Variants in RAMAC observed in about 807,000 individuals in gnomAD.
RAMAC encodes RNA guanine-N7 methyltransferase activating subunit.
A neutral mutation model predicts 17.9 loss-of-function variants in RAMAC; 11 were observed. The observed-to-expected ratio is 0.61, with a 90% CI of 0.39 to 1.02. The LOEUF is 1.02. Among genes scored for constraint, RAMAC ranks in the 50% least tolerant of loss-of-function variants. The pLI is 0.01. For synonymous variants in RAMAC, 27 were observed against 48.4 expected (o/e 0.56, Z 1.84); for missense variants, 109 against 144.0 (o/e 0.76, Z 1.25).
Position 82,990,760 on chromosome 15 carries a change from AACATAGCAGGTCAAAATTCAC to A in RAMAC, c.*699_*719del. 1.1e-6 allele frequency: 1 copy of A among 929,314 alleles called. No homozygotes were observed. The highest frequency in any genetic ancestry group is 1.7e-6 in the Non-Finnish European group (1 of 594,740). 57.6% of individuals were successfully genotyped at this position (929,314 alleles called of 1,614,324 possible). ...ACAAACACTAAAGCTTTTTGCTAAC[AACATAGCAGGTCAAAATTCAC>A]ACATAAGAAAGTTTAACTCTGTACT... On this transcript the variant is annotated 3_prime_UTR_variant, in exon 4 of 4. Coordinates refer to ENST00000304191, the MANE Select transcript of RAMAC (RefSeq NM_031452.4).
In RAMAC at chr15:82,989,068, G is replaced by A. The variant is rs1438412237; in HGVS notation, c.50G>A (p.Ser17Asn). The stretch of plus-strand genomic sequence containing the variant: ...CCAAAGTTTGAAGAGATGTTTGCTA[G>A]TAGATTCACAGAAAATGACAAGGAG... Reference protein sequence around the residue: ...AVPKFEEMFASRFTENDKEYQ... With the variant: ...AVPKFEEMFANRFTENDKEYQ... Residue 17 changes from serine (S) to asparagine (N), a missense_variant, in exon 3 of 4, where the codon AGT becomes AAT. Transcript: ENST00000304191. The A allele has an allele frequency of 6.2e-7, 1 of 1,613,780 alleles. No homozygotes were observed. Among genetic ancestry groups the A allele is most frequent in the South Asian group, 1.1e-5 (1 of 91,058 alleles).
intron 3 of RAMAC, among the ~76,000 whole-genome samples, chr15:82,989,567 C>G (rs1365648646): frequency 6.6e-6 from 1 of 152,094 alleles, no homozygotes. Flanking sequence ...CTTAATAATT[C>G]AAAATAGTCA....
chr15:82,989,136 G>A lies in RAMAC; in HGVS notation c.118G>A (p.Val40Ile). 6.2e-7 allele frequency: 1 copy of A among 1,613,860 alleles called. No individual in the cohort carries two copies. Among genetic ancestry groups the A allele is most frequent in the South Asian group, 1.1e-5 (1 of 91,054 alleles). ...LKRPPESPPI[V>I]EEWNSRAGGN... ...ACGCCCTCCTGAGTCTCCTCCAATT[G>A]TTGAGGAATGGAATAGCAGAGCTGG... Residue 40 changes from valine (V) to isoleucine (I), a missense_variant, in exon 3 of 4, where the codon GTT (valine) becomes ATT (isoleucine). Coordinates refer to ENST00000304191, the MANE Select transcript of RAMAC (RefSeq NM_031452.4).
At chr15:82,988,843 A>G (rs1382962204) in intron 2 of RAMAC, 167 bp from the exon 3 acceptor site, 1 of 664,374 alleles carries the variant, frequency 1.5e-6, no homozygotes, top group Non-Finnish European at 2.5e-6. Flanking sequence ...CTCAAAAAAA[A>G]AAAAAAAATG....
At position 82,990,055 on chromosome 15, in the gene RAMAC, C is replaced by T. The variant is rs368166772; in HGVS notation, c.345C>T (p.Tyr115=). The T allele has an allele frequency of 9.7e-5, 138 of 1,415,880 alleles. No homozygotes were observed. In the African/African-American group the frequency reaches 1.0e-3, roughly 10 times the overall value. The allele number at this position is 1,415,880 out of a possible 1,614,324, so 87.7% of individuals were successfully genotyped here. Residue 115 remains tyrosine (Y), a synonymous_variant, in exon 4 of 4, where the codon TAC becomes TAT. Coordinates refer to ENST00000304191, the MANE Select transcript of RAMAC (RefSeq NM_031452.4). ...ATGGTTACAACCAGCGGCCTCCTTACGGTTACTACTGATAGAAATGTTGGC... is the reference window on the plus strand; with the variant it reads ...ATGGTTACAACCAGCGGCCTCCTTATGGTTACTACTGATAGAAATGTTGGC... ...GHYGYNQRPP[Y]GYY is the part of the protein sequence containing the mutation.
chr15:82,988,778 G>A (rs1459297473), intron 2 of RAMAC: 1 of 483,420 alleles, frequency 2.1e-6, no homozygotes, highest in Non-Finnish European at 3.8e-6. Context: ...AGGCTGCAGT[G>A]ACCCGAGGTT....
At chr15:82,986,893 G>C (rs2030638959) in intron 1 of RAMAC, among the ~76,000 whole-genome samples, 1 of 151,980 alleles carries the variant, frequency 6.6e-6, no homozygotes, top group Non-Finnish European at 1.5e-5. Flanking sequence ...TCCCTCTTTG[G>C]AATATTAGCT....
chr15:82,987,710 A>G (rs1024764665), intron 2 of RAMAC, among the ~76,000 whole-genome samples: 3 of 152,194 alleles, frequency 2.0e-5, no homozygotes, highest in African/African-American at 7.2e-5. Context: ...GATATTTGGT[A>G]TTTGATAAAG....
Position 82,990,106 on chromosome 15 carries a change from GT to G in RAMAC, c.*41del. 2.1e-6 allele frequency: 2 copies of G among 954,018 alleles called. No individual in the cohort carries two copies. Among genetic ancestry groups the G allele is most frequent in the Non-Finnish European group, 2.9e-6 (2 of 690,048 alleles). The allele number at this position is 954,018 out of a possible 1,614,324, so 59.1% of individuals were successfully genotyped here. A position where few individuals can be genotyped will look rare whatever the true frequency, so the allele number is the denominator to read the frequency against. ...AGCTTTTAGTAAAAGCATTTACTCT[GT>G]TACCATGAGAAAAGTTTGGGTGTCT... On this transcript the variant is annotated 3_prime_UTR_variant, in exon 4 of 4. Coordinates refer to ENST00000304191, the MANE Select transcript of RAMAC (RefSeq NM_031452.4).
Position 82,989,977 on chromosome 15 carries a change from C to T in RAMAC, c.267C>T (p.Asn89=). 6.2e-7 allele frequency: 1 copy of T among 1,604,386 alleles called. No homozygotes were observed. Residue 89 remains asparagine (N), a synonymous_variant, in exon 4 of 4, where the codon AAC becomes AAT. Coordinates refer to ENST00000304191, the MANE Select transcript of RAMAC (RefSeq NM_031452.4). ...SNQWHGRSWG[N]NYPQHRQEPY... Reference sequence around the variant, plus strand: ...AGTGGCATGGACGATCCTGGGGTAACAACTACCCGCAACACAGACAAGAAC... The same window carrying T: ...AGTGGCATGGACGATCCTGGGGTAATAACTACCCGCAACACAGACAAGAAC...
Position 82,990,772 on chromosome 15 carries a change from C to A in RAMAC, c.*705C>A, listed in dbSNP as rs950699482. ...GCTTTTTGCTAACAACATAGCAGGTCAAAATTCACACATAAGAAAGTTTAA... is the reference window on the plus strand; with the variant it reads ...GCTTTTTGCTAACAACATAGCAGGTAAAAATTCACACATAAGAAAGTTTAA... On this transcript the variant is annotated 3_prime_UTR_variant, in exon 4 of 4. Coordinates refer to ENST00000304191, the MANE Select transcript of RAMAC (RefSeq NM_031452.4). 4 of 785,598 alleles carry A rather than the reference C, an allele frequency of 5.1e-6. No individual in the cohort carries two copies. Among genetic ancestry groups the A allele is most frequent in the Non-Finnish European group, 8.5e-6 (4 of 472,246 alleles). 48.7% of individuals were successfully genotyped at this position (785,598 alleles called of 1,614,324 possible). A position where few individuals can be genotyped will look rare whatever the true frequency, so the allele number is the denominator to read the frequency against.
In RAMAC at chr15:82,990,758, A is replaced by C; in HGVS notation, c.*691A>C. 1.0e-6 allele frequency: 1 copy of C among 954,314 alleles called. No homozygotes were observed. The highest frequency in any genetic ancestry group is 1.6e-6 in the Non-Finnish European group (1 of 615,954). The allele number at this position is 954,314 out of a possible 1,614,324, so 59.1% of individuals were successfully genotyped here. ...ATACAAACACTAAAGCTTTTTGCTA[A>C]CAACATAGCAGGTCAAAATTCACAC... On this transcript the variant is annotated 3_prime_UTR_variant, in exon 4 of 4. Coordinates refer to ENST00000304191, the MANE Select transcript of RAMAC (RefSeq NM_031452.4).
chr15:82,989,948 A>T lies in RAMAC; in HGVS notation c.238A>T (p.Asn80Tyr), dbSNP rs1442242681. 3 of 1,611,850 alleles carry T rather than the reference A, an allele frequency of 1.9e-6. No individual in the cohort carries two copies. The highest frequency in any genetic ancestry group is 2.2e-5 in the East Asian group (1 of 44,848). Residue 80 changes from asparagine to tyrosine, a missense_variant, in exon 4 of 4, where the codon AAT (asparagine) becomes TAT (tyrosine). Coordinates refer to ENST00000304191, the MANE Select transcript of RAMAC (RefSeq NM_031452.4). ...RWGWPSDNRS[N>Y]QWHGRSWGNN... ...GGGGTGGCCAAGTGACAATCGATCC[A>T]ATCAGTGGCATGGACGATCCTGGGG...
At chr15:82,988,894 C>A in intron 2 of RAMAC, 116 bp from the exon 3 acceptor site, 1 of 877,256 alleles carries the variant, frequency 1.1e-6, no homozygotes, top group Non-Finnish European at 1.7e-6. Flanking sequence ...TGAAAGCACA[C>A]AAAGACTTCC....
At position 82,990,491 on chromosome 15, in the gene RAMAC, C is replaced by T; in HGVS notation, c.*424C>T. ...ATCAGCTCATGAATGCACAGCTATG[C>T]TTTTTGTGATAGATTGTACATAACA... is the stretch of plus-strand genomic sequence containing the variant. On this transcript the variant is annotated 3_prime_UTR_variant, in exon 4 of 4. Transcript: ENST00000304191. The T allele has an allele frequency of 1.6e-6, 1 of 620,952 alleles. No individual in the cohort carries two copies. Among genetic ancestry groups the T allele is most frequent in the East Asian group, 2.8e-5 (1 of 35,694 alleles). The allele number at this position is 620,952 out of a possible 1,614,324, so 38.5% of individuals were successfully genotyped here.
At chr15:82,988,917 C>A in intron 2 of RAMAC, 93 bp from the exon 3 acceptor site, 1 of 1,110,982 alleles carries the variant, frequency 9.0e-7, no homozygotes, top group Non-Finnish European at 1.3e-6. Context: ...GAATACCCCG[C>A]CTAAAAATTG....
chr15:82,986,824 A>G (rs1305295957), intron 1 of RAMAC, among the ~76,000 whole-genome samples: 1 of 152,050 alleles, frequency 6.6e-6, no homozygotes, highest in East Asian at 1.9e-4. Context: ...TACTTGAACT[A>G]TTTTGCTTTT....
In RAMAC at chr15:82,989,143, A is replaced by C; in HGVS notation, c.125A>C (p.Glu42Ala). The C allele has an allele frequency of 5.0e-6, 8 of 1,613,924 alleles. No homozygotes were observed. The highest frequency in any genetic ancestry group is 6.8e-6 in the Non-Finnish European group (8 of 1,179,856). Residue 42 changes from glutamate (E) to alanine (A), a missense_variant, in exon 3 of 4, where the codon GAA (glutamate) becomes GCA (alanine). Coordinates refer to ENST00000304191, the MANE Select transcript of RAMAC (RefSeq NM_031452.4). The stretch of plus-strand genomic sequence containing the variant: ...CCTGAGTCTCCTCCAATTGTTGAGG[A>C]ATGGAATAGCAGAGCTGGTGGGAAC... ...RPPESPPIVE[E>A]WNSRAGGNQR...
At position 82,990,683 on chromosome 15, in the gene RAMAC, A is replaced by G; in HGVS notation, c.*616A>G. On this transcript the variant is annotated 3_prime_UTR_variant, in exon 4 of 4. Transcript: ENST00000304191. ...GTAAAATAAGGAAGGAATCATTGTC[A>G]GTTTGTGTCTTGATCTGGTGGTGGT... is the stretch of plus-strand genomic sequence containing the variant. 2.0e-6 allele frequency: 3 copies of G among 1,516,356 alleles called. No individual in the cohort carries two copies. Among genetic ancestry groups the G allele is most frequent in the Non-Finnish European group, 1.8e-6 (2 of 1,115,236 alleles). The allele number at this position is 1,516,356 out of a possible 1,614,324, so 93.9% of individuals were successfully genotyped here.
Sources: gnomAD v4.1 joint callset for allele counts (sites outside exome capture counted in the v4.1 genomes callset) on GRCh38, gnomAD v4.1.1 for gene constraint, MANE v1.5 for transcripts, NCBI Gene and HGNC (gene_info 2026-07-23, HGNC 2026-07-21) for gene names.